Variants in TCF7L1 observed in about 807,000 individuals in gnomAD.
TCF7L1 encodes transcription factor 7-like 1.
A neutral mutation model predicts 63.7 loss-of-function variants in TCF7L1; 18 were observed. That is an observed-to-expected ratio of 0.28 (90% CI 0.20 to 0.42). The LOEUF is 0.42. TCF7L1 is among the 10% of genes least tolerant of loss of function. TCF7L1 has a pLI of 1.00. For missense variants in TCF7L1, 654 were observed against 779.3 expected, an observed-to-expected ratio of 0.84 and a Z score of 1.91; for synonymous variants, 355 against 340.9, an observed-to-expected ratio of 1.04 and a Z score of -0.46.
chr2:85,253,113 C>A (rs927517674), intron 3 of TCF7L1, among the ~76,000 whole-genome samples: 4 of 152,070 alleles, frequency 2.6e-5, no homozygotes, highest in Admixed American at 2.6e-4. Flanking sequence ...AACAACAGAC[C>A]GTGAGCCAGT....
rs373770977 is a variant in TCF7L1, at chr2:85,303,990, G to A, written c.754G>A (p.Val252Ile). 28 of 1,551,424 alleles carry A rather than the reference G, an allele frequency of 1.8e-5. No homozygotes were observed. Among genetic ancestry groups the A allele is most frequent in the Middle Eastern group, 1.7e-4 (1 of 5,866 alleles). ...GQIPHPLGWL[V>I]PQQGQPMYSL... is the part of the protein sequence containing the mutation. ...AATCCCCCACCCCCTCGGCTGGCTCGTCCCACAGTAAGGAACCCACAGCCT... is the reference window on the plus strand; with the variant it reads ...AATCCCCCACCCCCTCGGCTGGCTCATCCCACAGTAAGGAACCCACAGCCT... Residue 252 changes from valine (V) to isoleucine (I), a missense_variant, in exon 6 of 12, where the codon GTC becomes ATC. Transcript: ENST00000282111.
chr2:85,177,190 A>G (rs1482609485), intron 3 of TCF7L1, among the ~76,000 whole-genome samples: 1 of 152,042 alleles, frequency 6.6e-6, no homozygotes, highest in Non-Finnish European at 1.5e-5. Context: ...AGAACAAGCC[A>G]GCTCTCTGGC....
At chr2:85,246,300 A>G (rs980769296) in intron 3 of TCF7L1, among the ~76,000 whole-genome samples, 1 of 152,250 alleles carries the variant, frequency 6.6e-6, no homozygotes, top group African/African-American at 2.4e-5. Context: ...TAATTACTTA[A>G]TGAATTCTAA....
chr2:85,253,781 C>T (rs751202350), intron 3 of TCF7L1, among the ~76,000 whole-genome samples: 5 of 152,206 alleles, frequency 3.3e-5, no homozygotes, highest in African/African-American at 7.2e-5. Context: ...TCAGTTAAAC[C>T]ACCACACAAT....
chr2:85,233,588 A>G (rs1036453329), intron 3 of TCF7L1, among the ~76,000 whole-genome samples: 5 of 152,188 alleles, frequency 3.3e-5, no homozygotes, highest in African/African-American at 9.7e-5. Context: ...TACTGGGATT[A>G]CCAGCGTGAG....
chr2:85,176,986 C>CAA lies in TCF7L1; in HGVS notation c.441+42558_441+42559dup, dbSNP rs774094748. Reference sequence around the variant, plus strand: ...TGGGTGACAGAGCGAGACTCTGTCTCAAAAAAAAAAAAAAAAAAAAAAATC... The same window carrying CAA: ...TGGGTGACAGAGCGAGACTCTGTCTCAAAAAAAAAAAAAAAAAAAAAAAAATC... On this transcript the variant is annotated intron_variant, in intron 3 of 11. Transcript: ENST00000282111. 4.9e-3 allele frequency among the ~76,000 whole-genome samples: 323 copies of CAA among 65,546 alleles called. 3 individuals carry two copies. Among genetic ancestry groups the CAA allele is most frequent in the East Asian group, 0.025 (48 of 1,886 alleles). The allele number at this position is 65,546 out of a possible 152,430, so 43.0% of individuals were successfully genotyped here.
At chr2:85,149,805 G>A (rs762826121) in intron 3 of TCF7L1, among the ~76,000 whole-genome samples, 23 of 152,302 alleles carry the variant, frequency 1.5e-4, no homozygotes, top group Admixed American at 7.2e-4. Flanking sequence ...GATTACAGGC[G>A]TGAGCCACCG....
intron 3 of TCF7L1, among the ~76,000 whole-genome samples, chr2:85,193,078 G>T (rs1679072770): frequency 6.6e-6 from 1 of 152,168 alleles, no homozygotes; most frequent in Non-Finnish European, 1.5e-5. Context: ...AGAAGCCAAA[G>T]GTTGCTTTGT....
At chr2:85,136,717 T>A (rs1677603511) in intron 3 of TCF7L1, among the ~76,000 whole-genome samples, 1 of 152,198 alleles carries the variant, frequency 6.6e-6, no homozygotes, top group African/African-American at 2.4e-5. Context: ...ACGGATATAC[T>A]GGGGAAGTGT....
At chr2:85,200,109 C>A (rs1679240582) in intron 3 of TCF7L1, among the ~76,000 whole-genome samples, 1 of 152,134 alleles carries the variant, frequency 6.6e-6, no homozygotes, top group African/African-American at 2.4e-5. Flanking sequence ...TGGATAATAT[C>A]CCATCGTGTG....
chr2:85,133,873 C>G lies in TCF7L1; in HGVS notation c.189C>G (p.Asp63Glu), dbSNP rs1360642994. Residue 63 changes from aspartate (D) to glutamate (E), a missense_variant, in exon 1 of 12, where the codon GAC becomes GAG. By Grantham distance (45) the Asp-to-Glu change is conservative. Transcript: ENST00000282111. This position sits in a 1 kb window ranked among gnomAD's most constrained non-coding sequence, Gnocchi z 4.4. ...SDSASAQRDL[D>E]EVKSSLVNES... ...GCGCCTCGGCGCAGCGGGACCTAGA[C>G]GAGGTCAAGTCGTCCCTGGTCAACG... 2 of 1,523,064 alleles carry G rather than the reference C, an allele frequency of 1.3e-6. No homozygotes were observed. Among genetic ancestry groups the G allele is most frequent in the Non-Finnish European group, 1.8e-6 (2 of 1,134,490 alleles). The allele number at this position is 1,523,064 out of a possible 1,614,324, so 94.3% of individuals were successfully genotyped here.
At chr2:85,299,786 G>A (rs1300898680) in intron 4 of TCF7L1, among the ~76,000 whole-genome samples, 2 of 151,004 alleles carry the variant, frequency 1.3e-5, no homozygotes, top group East Asian at 2.0e-4. Context: ...TTGAGCCTGG[G>A]AGGTAGAGGC....
intron 3 of TCF7L1, among the ~76,000 whole-genome samples, chr2:85,162,422 C>G (rs1678311519): frequency 1.3e-5 from 2 of 152,090 alleles, no homozygotes; most frequent in African/African-American, 4.8e-5. Flanking sequence ...AGAAGGCAGC[C>G]CCTGCTGGAA....
intron 3 of TCF7L1, among the ~76,000 whole-genome samples, chr2:85,175,384 G>A (rs183788093): frequency 2.0e-5 from 3 of 152,322 alleles, no homozygotes; most frequent in Non-Finnish European, 4.4e-5. Flanking sequence ...GCCTAGCTGT[G>A]TAAATTCCAC....
rs554305734 is a variant in TCF7L1 at position 85,268,471 on chromosome 2, C to CTTTT, written c.442-15008_442-15005dup. ...CCAAAGGGCGAATAAGATTGGATGC[C>CTTTT]TTTTTTTTTTTTTTTTTTTGAGACG... On this transcript the variant is annotated intron_variant, in intron 3 of 11. Transcript: ENST00000282111. 2.2e-4 allele frequency among the ~76,000 whole-genome samples: 30 copies of CTTTT among 134,794 alleles called. 1 individual carries two copies. Among genetic ancestry groups the CTTTT allele is most frequent in the Admixed American group, 4.6e-4 (6 of 12,956 alleles). The allele number at this position is 134,794 out of a possible 152,430, so 88.4% of individuals were successfully genotyped here. A position where few individuals can be genotyped will look rare whatever the true frequency, so the allele number is the denominator to read the frequency against.
At chr2:85,294,026 ATT>A (rs774050758) in intron 4 of TCF7L1, among the ~76,000 whole-genome samples, 3,583 of 59,426 alleles carry the variant, frequency 0.06, 89 homozygotes, top group Non-Finnish European at 0.084. Flanking sequence ...GAACACTGGG[ATT>A]TTTTTTTTTT....
At chr2:85,238,432 G>T (rs1463886218) in intron 3 of TCF7L1, among the ~76,000 whole-genome samples, 2 of 152,166 alleles carry the variant, frequency 1.3e-5, no homozygotes, top group Non-Finnish European at 2.9e-5. Context: ...CTTTTGGGGG[G>T]ATTCAGAGCA....
At chr2:85,164,029 G>A (rs1037580459) in intron 3 of TCF7L1, among the ~76,000 whole-genome samples, 8 of 152,036 alleles carry the variant, frequency 5.3e-5, no homozygotes, top group African/African-American at 1.9e-4. Context: ...TTTTGTTGGG[G>A]GTGTATGAGG....
In TCF7L1 at chr2:85,304,034, C is replaced by T. The variant is rs1215794305; in HGVS notation, c.761+37C>T. The T allele has an allele frequency of 4.6e-6, 7 of 1,508,090 alleles. No individual in the cohort carries two copies. The African/African-American group carries it at 5.5e-5, about 12-fold the overall frequency. 93.4% of individuals were successfully genotyped at this position (1,508,090 alleles called of 1,614,324 possible). ...ACAGCCTCTCTTCCCCCTGCTCCCTCCTTGCGCTGAGCTCTGCCTCTGTGC... is the reference window on the plus strand; with the variant it reads ...ACAGCCTCTCTTCCCCCTGCTCCCTTCTTGCGCTGAGCTCTGCCTCTGTGC... On this transcript the variant is annotated intron_variant, in intron 6 of 11. Coordinates refer to ENST00000282111, the MANE Select transcript of TCF7L1 (RefSeq NM_031283.3).
Sources: gnomAD v4.1 joint callset for allele counts (sites outside exome capture counted in the v4.1 genomes callset) on GRCh38, gnomAD v4.1.1 for gene constraint, Gnocchi (gnomAD v3.1) non-coding constraint, MANE v1.5 for transcripts, NCBI Gene and HGNC (gene_info 2026-07-23, HGNC 2026-07-21) for gene names.